The following DIAPH2 variants were observed in gnomAD, a reference collection of about 807,000 sequenced individuals.
The protein encoded by DIAPH2 is protein diaphanous homolog 2.
A neutral mutation model predicts 92.7 loss-of-function variants in DIAPH2; 35 were observed. The observed-to-expected ratio is 0.38, with a 90% CI of 0.29 to 0.50. The LOEUF is 0.50. DIAPH2 is among the 20% of genes least tolerant of loss of function. The probability of loss-of-function intolerance (pLI) is 0.94; values close to 1 mark genes in which losing one functional copy is unlikely to be tolerated. For missense variants in DIAPH2, 701 were observed against 819.5 expected (o/e 0.86, Z 1.77); for synonymous variants, 301 against 280.4 (o/e 1.07, Z -0.73).
chrX:97,010,735 A>G, intron 17 of DIAPH2, among the ~76,000 whole-genome samples: 1 of 112,375 alleles, frequency 8.9e-6, no homozygotes, highest in Middle Eastern at 4.7e-3. Flanking sequence ...GAACAGTTTT[A>G]GATCAAACCT....
At chrX:97,251,580 C>A (rs1184495776) in intron 23 of DIAPH2, among the ~76,000 whole-genome samples, 1 of 110,833 alleles carries the variant, frequency 9.0e-6, no homozygotes, top group Non-Finnish European at 1.9e-5. Context: ...CACGCCACCA[C>A]GCCCAGCTAA....
At chrX:97,228,146 C>T (rs1004570539) in intron 22 of DIAPH2, among the ~76,000 whole-genome samples, 6 of 111,808 alleles carry the variant, frequency 5.4e-5, no homozygotes, top group African/African-American at 1.9e-4. Context: ...AGCGATCCCC[C>T]CGCCTCAGCC....
At chrX:97,145,882 T>C (rs2067243315) in intron 22 of DIAPH2, among the ~76,000 whole-genome samples, 1 of 110,001 alleles carries the variant, frequency 9.1e-6, no homozygotes, top group Admixed American at 9.9e-5. Context: ...TTTATAATAA[T>C]CCTGTCTCTG....
chrX:97,593,732 C>T (rs1250640710), intron 26 of DIAPH2, among the ~76,000 whole-genome samples: 1 of 111,131 alleles, frequency 9.0e-6, no homozygotes, highest in Non-Finnish European at 1.9e-5. Flanking sequence ...ATAAATATTT[C>T]AATTGTTTAG....
intron 26 of DIAPH2, among the ~76,000 whole-genome samples, chrX:97,501,018 G>A (rs1380486461): frequency 1.8e-5 from 2 of 108,341 alleles, no homozygotes; most frequent in Non-Finnish European, 3.8e-5. Flanking sequence ...GTAGTCCGTT[G>A]TTGTCTAAAA....
In DIAPH2 at chrX:97,055,029, A is replaced by G. The variant is rs897991757; in HGVS notation, c.2051-17912A>G. On this transcript the variant is annotated intron_variant, in intron 17 of 26. Transcript: ENST00000324765. ...TTTAATTTTATTTATTTATTTATTT[A>G]TTTATTTGTTTATTTTAGCGACAGG... 1.0e-4 allele frequency among the ~76,000 whole-genome samples: 11 copies of G among 107,345 alleles called. No individual in the cohort carries two copies. The South Asian group carries it at 2.8e-3, about 27-fold the overall frequency. 93.2% of individuals were successfully genotyped at this position (107,345 alleles called of 115,157 possible). A position where few individuals can be genotyped will look rare whatever the true frequency, so the allele number is the denominator to read the frequency against.
At chrX:96,727,197 C>A (rs749961361) in intron 1 of DIAPH2, among the ~76,000 whole-genome samples, 26 of 112,054 alleles carry the variant, frequency 2.3e-4, no homozygotes, top group Non-Finnish European at 4.7e-4. Flanking sequence ...TATGATACAC[C>A]TAGCATATTC....
intron 1 of DIAPH2, among the ~76,000 whole-genome samples, chrX:96,706,273 T>G (rs919511381): frequency 1.8e-5 from 2 of 112,072 alleles, no homozygotes; most frequent in African/African-American, 6.5e-5. Context: ...TTGACATTTA[T>G]TTTTCTATAG....
chrX:97,599,194 G>A (rs2071575553), intron 26 of DIAPH2, 59 bp from the exon 27 acceptor site: 3 of 855,341 alleles, frequency 3.5e-6, no homozygotes, highest in Admixed American at 2.9e-5. Context: ...CTAACATCAT[G>A]TAATAGCAAA....
chrX:97,269,579 A>G (rs1202821888), intron 23 of DIAPH2, among the ~76,000 whole-genome samples: 1 of 111,656 alleles, frequency 9.0e-6, no homozygotes, highest in Non-Finnish European at 1.9e-5. Context: ...TAGAAGCACT[A>G]AGGAAATCCT....
chrX:97,020,768 G>A lies in DIAPH2; in HGVS notation c.2051-52173G>A, dbSNP rs1320745208. 8.9e-5 allele frequency among the ~76,000 whole-genome samples: 10 copies of A among 112,019 alleles called. No homozygotes were observed. The East Asian group carries it at 2.8e-3, about 31-fold the overall frequency. ...TCCAGGCGGGATGGAGCAGGACACT[G>A]AGAGATTGTATCATGTTACTCAGAG... On this transcript the variant is annotated intron_variant, in intron 17 of 26. Transcript: ENST00000324765.
chrX:96,820,260 A>G (rs2064768791), intron 4 of DIAPH2, among the ~76,000 whole-genome samples: 1 of 112,323 alleles, frequency 8.9e-6, no homozygotes, highest in South Asian at 3.8e-4. Context: ...ATTTGAGGCC[A>G]GGAGTTCGAG....
At chrX:96,854,428 C>T (rs1328129857) in intron 4 of DIAPH2, among the ~76,000 whole-genome samples, 1 of 105,183 alleles carries the variant, frequency 9.5e-6, no homozygotes, top group East Asian at 3.0e-4. Flanking sequence ...AATTCTTAAC[C>T]AAGTGGCAGG....
At chrX:96,749,128 GA>G (rs759288156) in intron 3 of DIAPH2, among the ~76,000 whole-genome samples, 125 of 55,610 alleles carry the variant, frequency 2.2e-3, no homozygotes, top group Middle Eastern at 0.016. Flanking sequence ...TACCCCATCA[GA>G]AAAAAAAAAA....
intron 20 of DIAPH2, among the ~76,000 whole-genome samples, chrX:97,109,647 G>C (rs1020262591): frequency 1.8e-5 from 2 of 110,747 alleles, no homozygotes; most frequent in African/African-American, 3.3e-5. Context: ...GTATTGTTGG[G>C]GTGACCTACC....
chrX:96,739,714 C>T (rs193097552), intron 3 of DIAPH2, among the ~76,000 whole-genome samples: 147 of 112,001 alleles, frequency 1.3e-3, no homozygotes, highest in African/African-American at 4.4e-3. Flanking sequence ...CTTGACTATT[C>T]CTTCCATCTA....
chrX:96,852,226 A>G (rs1442488602), intron 4 of DIAPH2, among the ~76,000 whole-genome samples: 1 of 112,317 alleles, frequency 8.9e-6, no homozygotes, highest in African/African-American at 3.2e-5. Context: ...AAATCTTACA[A>G]TGTGGTAGGC....
intron 22 of DIAPH2, among the ~76,000 whole-genome samples, chrX:97,185,419 A>G (rs2067583525): frequency 1.8e-5 from 1 of 55,802 alleles, no homozygotes; most frequent in African/African-American, 9.6e-5. Flanking sequence ...ATGTATATAT[A>G]TATGTATATA....
chrX:97,445,703 C>T lies in DIAPH2; in HGVS notation c.3241+15958C>T, dbSNP rs757725580. ...CCTCAGGTGATCTGCCCGCCTCGGC[C>T]TCCCAAAGTGCTGGGATTACAGGCG... On this transcript the variant is annotated intron_variant, in intron 26 of 26. Coordinates refer to ENST00000324765, the MANE Select transcript of DIAPH2 (RefSeq NM_006729.5). Among the ~76,000 whole-genome samples, 64 of 110,098 alleles carry T rather than the reference C, an allele frequency of 5.8e-4. No homozygotes were observed. In the Middle Eastern group the frequency reaches 0.014, roughly 24 times the overall value.
Sources: allele counts gnomAD v4.1 joint callset (sites outside exome capture counted in the v4.1 genomes callset), GRCh38; gene constraint gnomAD v4.1.1; transcripts MANE v1.5; gene names NCBI Gene and HGNC (gene_info 2026-07-23, HGNC 2026-07-21).